The following MMP16 variants were observed in gnomAD, a reference collection of about 807,000 sequenced individuals.
The protein encoded by MMP16 is matrix metallopeptidase 16.
In MMP16, 12 loss-of-function variants were observed where a neutral mutation model predicts 67.8. That is an observed-to-expected ratio of 0.18 (90% CI 0.11 to 0.29). The LOEUF is 0.29. MMP16 is among the 10% of genes least tolerant of loss of function. MMP16 has a pLI of 1.00. For missense variants in MMP16, 475 were observed against 765.7 expected (o/e 0.62, Z 4.48); for synonymous variants, 249 against 255.9 (o/e 0.97, Z 0.26).
At chr8:88,078,587 A>G (rs1808691542) in intron 6 of MMP16, among the ~76,000 whole-genome samples, 1 of 152,152 alleles carries the variant, frequency 6.6e-6, no homozygotes, top group Admixed American at 6.6e-5. Flanking sequence ...CTGAGTCAGG[A>G]GAATTGCTTG....
chr8:88,237,542 G>A (rs975110700), intron 1 of MMP16, among the ~76,000 whole-genome samples: 4 of 151,604 alleles, frequency 2.6e-5, no homozygotes, highest in African/African-American at 7.3e-5. Flanking sequence ...CCAGCTACTC[G>A]GGAGGCTGAA....
intron 4 of MMP16, among the ~76,000 whole-genome samples, chr8:88,125,905 C>T (rs1281579875): frequency 6.6e-6 from 1 of 151,792 alleles, no homozygotes; most frequent in Non-Finnish European, 1.5e-5. Flanking sequence ...CTCTCTGCAG[C>T]TAGTGCAAAA....
chr8:88,327,416 C>G lies in MMP16; in HGVS notation c.-210G>C. On this transcript the variant is annotated 5_prime_UTR_variant, in exon 1 of 10. Coordinates refer to ENST00000286614, the MANE Select transcript of MMP16 (RefSeq NM_005941.5). ...GGCGAAGACAGGGTCAGCAGTAGTT[C>G]CTGTTCACCATCCTCCGGGGTCAGT... 1.8e-6 allele frequency: 1 copy of G among 545,114 alleles called. No individual in the cohort carries two copies. Among genetic ancestry groups the G allele is most frequent in the Non-Finnish European group, 3.3e-6 (1 of 304,172 alleles). 33.8% of individuals were successfully genotyped at this position (545,114 alleles called of 1,614,324 possible).
chr8:88,115,638 T>C (rs546077918), intron 6 of MMP16, among the ~76,000 whole-genome samples: 3 of 152,212 alleles, frequency 2.0e-5, no homozygotes, highest in Non-Finnish European at 4.4e-5. Context: ...CATTGGATTA[T>C]TTATTGATTT....
intron 3 of MMP16, among the ~76,000 whole-genome samples, chr8:88,168,873 G>T (rs1049987546): frequency 4.0e-5 from 6 of 151,674 alleles, no homozygotes; most frequent in Non-Finnish European, 8.8e-5. Flanking sequence ...AAATATTTTT[G>T]ATTTTTTTTT....
intron 6 of MMP16, among the ~76,000 whole-genome samples, chr8:88,109,468 T>C (rs1374307811): frequency 2.6e-5 from 4 of 151,362 alleles, no homozygotes; most frequent in African/African-American, 9.7e-5. Flanking sequence ...TAACTTCACA[T>C]AATCCACAAA....
chr8:88,274,928 T>C (rs1563580967), intron 1 of MMP16, among the ~76,000 whole-genome samples: 1 of 136,476 alleles, frequency 7.3e-6, no homozygotes, highest in African/African-American at 2.8e-5. Context: ...ATCCTGGATA[T>C]GTATACAAAC....
Position 88,032,868 on chromosome 8 carries a change from A to G in MMP16, c.*8593T>C, listed in dbSNP as rs756421788. 1 of 152,064 alleles carries G rather than the reference A, an allele frequency of 6.6e-6. No homozygotes were observed. Among genetic ancestry groups the G allele is most frequent in the Non-Finnish European group, 1.5e-5 (1 of 67,980 alleles). 9.4% of individuals were successfully genotyped at this position (152,064 alleles called of 1,614,324 possible). ...CTACATATTATCAAGAACTTAATGA[A>G]ATAGTGTTGAGTGTAATGAGAACAA... On this transcript the variant is annotated 3_prime_UTR_variant, in exon 10 of 10. Transcript: ENST00000286614.
At chr8:88,302,396 G>A (rs1414953089) in intron 1 of MMP16, among the ~76,000 whole-genome samples, 1 of 152,136 alleles carries the variant, frequency 6.6e-6, no homozygotes, top group Non-Finnish European at 1.5e-5. Flanking sequence ...TCACACTAGT[G>A]CAGAACTCTG....
chr8:88,146,449 G>A (rs1048156073), intron 4 of MMP16, among the ~76,000 whole-genome samples: 3 of 151,620 alleles, frequency 2.0e-5, no homozygotes, highest in Admixed American at 6.6e-5. Flanking sequence ...TTGCTGTTTC[G>A]AAAAGCACAT....
intron 3 of MMP16, among the ~76,000 whole-genome samples, chr8:88,172,990 A>C (rs556809245): frequency 4.6e-5 from 7 of 152,328 alleles, no homozygotes; most frequent in Non-Finnish European, 1.0e-4. Context: ...CATTAGATCA[A>C]AACAATTTCA....
chr8:88,239,756 T>G (rs1189344799), intron 1 of MMP16, among the ~76,000 whole-genome samples: 1 of 152,218 alleles, frequency 6.6e-6, no homozygotes, highest in African/African-American at 2.4e-5. Context: ...TGTAATAACT[T>G]GTAGCATTCT....
At chr8:88,303,208 C>A (rs1282264695) in intron 1 of MMP16, among the ~76,000 whole-genome samples, 1 of 152,160 alleles carries the variant, frequency 6.6e-6, no homozygotes, top group South Asian at 2.1e-4. Flanking sequence ...TCCAGGGAGC[C>A]AGGCAGCGTC....
intron 4 of MMP16, 73 bp from the exon 5 acceptor site, chr8:88,118,934 T>C: frequency 7.1e-7 from 1 of 1,404,230 alleles, no homozygotes. Context: ...CAATTTGGTA[T>C]TATCAACATT....
chr8:88,184,746 C>CAAAAAAAAAAAAAAAAAAAAAAAAAAAA (rs61606557), intron 3 of MMP16, among the ~76,000 whole-genome samples: 7 of 47,482 alleles, frequency 1.5e-4, no homozygotes, highest in Non-Finnish European at 1.7e-4. Flanking sequence ...GGCCCTGTCT[C>CAAAAAAAAAAAAAAAAAAAAAAAAAAAA]AAAAAAAAAA....
chr8:88,262,768 C>T (rs1450061705), intron 1 of MMP16, among the ~76,000 whole-genome samples: 2 of 143,828 alleles, frequency 1.4e-5, no homozygotes, highest in African/African-American at 5.2e-5. Context: ...TTTGGGAGGC[C>T]GAGGCGGGTG....
intron 1 of MMP16, among the ~76,000 whole-genome samples, chr8:88,234,946 G>A (rs372314466): frequency 3.3e-5 from 5 of 152,136 alleles, no homozygotes; most frequent in African/African-American, 4.8e-5. Context: ...TAACCCCAGC[G>A]AGGGCTTCAA....
intron 4 of MMP16, among the ~76,000 whole-genome samples, chr8:88,149,693 C>T (rs1260694354): frequency 1.3e-5 from 2 of 151,620 alleles, no homozygotes; most frequent in South Asian, 4.1e-4. Context: ...AGGACATCCA[C>T]ACCAAAAACC....
intron 1 of MMP16, among the ~76,000 whole-genome samples, chr8:88,237,681 C>CAAAAAA (rs77461112): frequency 1.3e-5 from 2 of 151,172 alleles, no homozygotes; most frequent in African/African-American, 4.9e-5. Flanking sequence ...ACAACAACAA[C>CAAAAAA]AAAAAACAAC....
Sources: gnomAD v4.1 joint callset for allele counts (sites outside exome capture counted in the v4.1 genomes callset) on GRCh38, gnomAD v4.1.1 for gene constraint, MANE v1.5 for transcripts, NCBI Gene and HGNC (gene_info 2026-07-23, HGNC 2026-07-21) for gene names.